Variants in DIP2C observed in about 807,000 individuals in gnomAD.
The protein encoded by DIP2C is DIP2 acetate--CoA ligase C (putative).
Under a neutral mutation model 192.4 loss-of-function variants are expected in DIP2C, and 33 were observed. The observed-to-expected ratio is 0.17, with a 90% confidence interval of 0.13 to 0.23. The LOEUF (loss-of-function observed/expected upper bound fraction) is 0.23, where lower values mean the gene tolerates loss of function less well. Ranked by LOEUF, DIP2C falls within the 10% of genes least tolerant of loss-of-function variation. The pLI, the probability that DIP2C is intolerant of heterozygous loss-of-function variation, is 1.00. For missense variants in DIP2C, 1,537 were observed against 2,110.1 expected (o/e 0.73, Z 5.32); for synonymous variants, 979 against 864.1 (o/e 1.13, Z -2.33).
chr10:452,241 C>G (rs550051504), intron 3 of DIP2C, among the ~76,000 whole-genome samples: 116 of 152,296 alleles, frequency 7.6e-4, no homozygotes, highest in African/African-American at 2.7e-3. Context: ...AGTGACACTT[C>G]AAAACATCCA....
At chr10:509,212 C>T (rs1477012571) in intron 1 of DIP2C, among the ~76,000 whole-genome samples, 1 of 152,102 alleles carries the variant, frequency 6.6e-6, no homozygotes, top group Non-Finnish European at 1.5e-5. Context: ...ACTGATTCAC[C>T]CGGGGAGGGG....
chr10:431,879 AG>A (rs975844537), intron 4 of DIP2C, among the ~76,000 whole-genome samples: 4 of 152,216 alleles, frequency 2.6e-5, no homozygotes, highest in Non-Finnish European at 4.4e-5. Flanking sequence ...TGTTAACAAT[AG>A]GTTTTTTGTC....
At chr10:382,601 T>G (rs1296087552) in intron 17 of DIP2C, 46 bp downstream of exon 17, 2 of 1,476,178 alleles carry the variant, frequency 1.4e-6, no homozygotes, top group Non-Finnish European at 9.4e-7. Flanking sequence ...GCTGCTGAAT[T>G]AGGACTGTCT....
chr10:309,977 C>G (rs150410788), intron 32 of DIP2C, 54 bp downstream of exon 32: 1 of 1,563,682 alleles, frequency 6.4e-7, no homozygotes, highest in Admixed American at 1.7e-5. Context: ...CATGCAAGGC[C>G]GCAGAACAAA....
intron 1 of DIP2C, among the ~76,000 whole-genome samples, chr10:599,595 C>A (rs1851926640): frequency 6.6e-6 from 1 of 152,148 alleles, no homozygotes; most frequent in African/African-American, 2.4e-5. Flanking sequence ...GACATGTTAA[C>A]CTGAAAAGGG....
intron 17 of DIP2C, among the ~76,000 whole-genome samples, chr10:376,352 G>C (rs778771578): frequency 1.3e-5 from 2 of 152,136 alleles, no homozygotes; most frequent in Non-Finnish European, 1.5e-5. Flanking sequence ...CGACGGAGCC[G>C]GCACAGAGCA....
chr10:483,588 G>A (rs766710692), intron 2 of DIP2C, among the ~76,000 whole-genome samples: 8 of 152,182 alleles, frequency 5.3e-5, no homozygotes, highest in Non-Finnish European at 1.2e-4. Context: ...TCACGTTTCC[G>A]GCAGATAAAT....
intron 2 of DIP2C, among the ~76,000 whole-genome samples, chr10:475,138 G>C (rs1490677548): frequency 6.6e-6 from 1 of 151,980 alleles, no homozygotes; most frequent in Non-Finnish European, 1.5e-5. Flanking sequence ...GAGCCTCCCA[G>C]TTTAATTTCT....
intron 1 of DIP2C, among the ~76,000 whole-genome samples, chr10:497,352 ATTTT>A (rs1380436183): frequency 6.6e-6 from 1 of 152,166 alleles, no homozygotes; most frequent in African/African-American, 2.4e-5. Flanking sequence ...CACCTTGGAA[ATTTT>A]TAACATTCAG....
rs555937803 is a variant in DIP2C, at chr10:384,357, C to T, written c.1756+189G>A. Among the ~76,000 whole-genome samples the T allele has an allele frequency of 2.1e-4, 32 of 149,428 alleles. No individual in the cohort carries two copies. The East Asian group carries it at 6.0e-3, about 28-fold the overall frequency. On this transcript the variant is annotated intron_variant, in intron 15 of 36. Coordinates refer to ENST00000280886, the MANE Select transcript of DIP2C (RefSeq NM_014974.3). ...GGGTTCAAGATTTCTCCTGCCTCAA[C>T]CTCCCGAGTAGCTGGGATTATAGGC...
chr10:549,166 G>T (rs920021933), intron 1 of DIP2C, among the ~76,000 whole-genome samples: 1 of 152,066 alleles, frequency 6.6e-6, no homozygotes, highest in Non-Finnish European at 1.5e-5. Flanking sequence ...CAAAATTCAC[G>T]TTCAAATTCA....
Position 372,242 on chromosome 10 carries a change from T to A in DIP2C, c.1992-2609A>T, listed in dbSNP as rs80330205. Among the ~76,000 whole-genome samples the A allele has an allele frequency of 1.3e-3, 205 of 152,182 alleles. 4 individuals are homozygous for A. In the East Asian group the frequency reaches 0.037, roughly 28 times the overall value. The stretch of plus-strand genomic sequence containing the variant: ...AGGCGCCGCCACCACAGCCAGTTAA[T>A]TTTTTTGCTATTAGTAGAGACGGGG... On this transcript the variant is annotated intron_variant, in intron 17 of 36. Coordinates refer to ENST00000280886, the MANE Select transcript of DIP2C (RefSeq NM_014974.3).
At chr10:399,608 C>T (rs1225977746) in intron 9 of DIP2C, among the ~76,000 whole-genome samples, 1 of 152,220 alleles carries the variant, frequency 6.6e-6, no homozygotes, top group Non-Finnish European at 1.5e-5. Context: ...GCTCAGATCC[C>T]ATGGCAGTGT....
chr10:618,035 CTG>C (rs1221089379), intron 1 of DIP2C, among the ~76,000 whole-genome samples: 2 of 152,196 alleles, frequency 1.3e-5, no homozygotes, highest in Admixed American at 6.5e-5. Flanking sequence ...CTGTCCCACT[CTG>C]TGATTGTGTG....
At chr10:380,604 CAG>C (rs770799561) in intron 17 of DIP2C, among the ~76,000 whole-genome samples, 4 of 152,238 alleles carry the variant, frequency 2.6e-5, no homozygotes, top group Non-Finnish European at 2.9e-5. Context: ...TGCAACAAAA[CAG>C]GGGAATGTAG....
In DIP2C at chr10:526,197, G is replaced by A. The variant is rs140119121; in HGVS notation, c.86-39667C>T. Among the ~76,000 whole-genome samples, 577 of 152,242 alleles carry A rather than the reference G, an allele frequency of 3.8e-3. 3 individuals are homozygous for A. The highest frequency in any genetic ancestry group is 0.013 in the African/African-American group (556 of 41,538). On this transcript the variant is annotated intron_variant, in intron 1 of 36. Coordinates refer to ENST00000280886, the MANE Select transcript of DIP2C (RefSeq NM_014974.3). ...AGCAAATGCAGCACACCTGTGCACG[G>A]CTCACCACTCACAAAGCCCACAGCC...
chr10:633,037 C>T (rs923568875), intron 1 of DIP2C, among the ~76,000 whole-genome samples: 1 of 152,262 alleles, frequency 6.6e-6, no homozygotes, highest in African/African-American at 2.4e-5. Context: ...CCACCAGAAC[C>T]CGTTCTGCAG....
chr10:384,967 G>A (rs1231107640), intron 14 of DIP2C, among the ~76,000 whole-genome samples: 2 of 151,230 alleles, frequency 1.3e-5, no homozygotes, highest in African/African-American at 4.8e-5. Flanking sequence ...CAGTTCTCAA[G>A]GAGCACCACA....
At chr10:534,446 T>G (rs1847582736) in intron 1 of DIP2C, among the ~76,000 whole-genome samples, 2 of 152,052 alleles carry the variant, frequency 1.3e-5, no homozygotes, top group African/African-American at 4.8e-5. Context: ...AAGAAATCCT[T>G]CTCTTTTTGT....
Sources: allele counts gnomAD v4.1 joint callset (sites outside exome capture counted in the v4.1 genomes callset), GRCh38; gene constraint gnomAD v4.1.1; transcripts MANE v1.5; gene names NCBI Gene and HGNC (gene_info 2026-07-23, HGNC 2026-07-21).